LAMP1: variants seen among roughly 807,000 people sequenced by gnomAD.
The protein encoded by LAMP1 is lysosome-associated membrane glycoprotein 1.
A neutral mutation model predicts 37.5 loss-of-function variants in LAMP1; 7 were observed. The observed-to-expected ratio is 0.19, with a 90% CI of 0.11 to 0.35. The LOEUF is 0.35. LAMP1 is among the 10% of genes least tolerant of loss of function. The pLI is 1.00. For synonymous variants in LAMP1, 236 were observed against 229.1 expected (o/e 1.03, Z -0.27); for missense variants, 537 against 552.8 (o/e 0.97, Z 0.29).
In LAMP1 at chr13:113,320,916, C is replaced by T. The variant is rs2042695433; in HGVS notation, c.876+446C>T. ...ATTTTAGCTTTCCAAATCATGCTTT[C>T]CTGTGCTGTGATAGCTCCTGCAGTC... On this transcript the variant is annotated intron_variant, in intron 6 of 8. Coordinates refer to ENST00000332556, the MANE Select transcript of LAMP1 (RefSeq NM_005561.4). The surrounding 1 kb of genome is among the most constrained non-coding windows in gnomAD (Gnocchi z 4.4). The T allele has an allele frequency of 9.2e-6, 2 of 217,556 alleles. No homozygotes were observed. The highest frequency in any genetic ancestry group is 5.2e-5 in the Admixed American group (1 of 19,142). 13.5% of individuals were successfully genotyped at this position (217,556 alleles called of 1,614,324 possible).
chr13:113,306,489 C>T lies in LAMP1; in HGVS notation c.66C>T (p.Leu22=). 6.2e-7 allele frequency: 1 copy of T among 1,613,912 alleles called. No individual in the cohort carries two copies. The highest frequency in any genetic ancestry group is 8.5e-7 in the Non-Finnish European group (1 of 1,179,906). ...CGTCTTCCCTGGAATTGACAGGCCT[C>T]ATGCATTGTGCGTCAGCAGCAATGT... ...LLLLLLLLLG[L]MHCASAAMFM... The change falls in exon 2 of 9, where the codon CTC becomes CTT. Residue 22 remains leucine, a synonymous_variant. Transcript: ENST00000332556.
intron 1 of LAMP1, chr13:113,305,807 G>A (rs887825265): frequency 2.8e-4 from 42 of 152,240 alleles, no homozygotes; most frequent in African/African-American, 9.4e-4. Flanking sequence ...AGATGGGTGA[G>A]TTGTGCCTTC....
At position 113,310,875 on chromosome 13, in the gene LAMP1, G is replaced by A. The variant is rs776040899; in HGVS notation, c.562+8G>A. ...GCAGCTTCAGCCGGGGAGGTAGGACGCTGACCCTTGGCCCTCTGGTGCTAG... is the reference window on the plus strand; with the variant it reads ...GCAGCTTCAGCCGGGGAGGTAGGACACTGACCCTTGGCCCTCTGGTGCTAG... On this transcript the variant is annotated splice_region_variant and intron_variant, in intron 4 of 8. Transcript: ENST00000332556. 16 of 1,611,688 alleles carry A rather than the reference G, an allele frequency of 9.9e-6. No individual in the cohort carries two copies. Among genetic ancestry groups the A allele is most frequent in the Non-Finnish European group, 1.2e-5 (14 of 1,178,956 alleles).
rs377137046 is a variant in LAMP1 at position 113,322,302 on chromosome 13, G to A, written c.1135G>A (p.Glu379Lys). Residue 379 changes from glutamate to lysine, a missense_variant, in exon 9 of 9, where the codon GAG (glutamate) becomes AAG (lysine). Transcript: ENST00000332556. ...GGCAGTGGAGGAGTGTCTGCTGGAC[G>A]AGAACAGCATGCTGATCCCCATCGC... ...FGSVEECLLD[E>K]NSMLIPIAVG... The A allele has an allele frequency of 1.7e-5, 28 of 1,613,078 alleles. No individual in the cohort carries two copies. The highest frequency in any genetic ancestry group is 1.8e-4 in the Middle Eastern group (1 of 5,700).
In LAMP1 at chr13:113,320,817, A is replaced by AT; in HGVS notation, c.876+348dup. The AT allele has an allele frequency of 3.4e-6, 1 of 292,938 alleles. No individual in the cohort carries two copies. Among genetic ancestry groups the AT allele is most frequent in the Non-Finnish European group, 6.4e-6 (1 of 155,604 alleles). 18.1% of individuals were successfully genotyped at this position (292,938 alleles called of 1,614,324 possible). On this transcript the variant is annotated intron_variant, in intron 6 of 8. Transcript: ENST00000332556. The surrounding 1 kb of genome is among the most constrained non-coding windows in gnomAD (Gnocchi z 4.4). ...TCCTGTGCAGTTAGCAACATAAGAC[A>AT]TGAAGCATATAATTGTCACTTGTCA... is the stretch of plus-strand genomic sequence containing the variant.
chr13:113,301,672 T>G (rs868528725), intron 1 of LAMP1, among the ~76,000 whole-genome samples: 3 of 75,268 alleles, frequency 4.0e-5, no homozygotes, highest in Non-Finnish European at 9.0e-5. Context: ...TATATATATA[T>G]ATATATATAT....
chr13:113,297,550 C>T lies in LAMP1; in HGVS notation c.61+55C>T. 1.6e-6 allele frequency: 2 copies of T among 1,215,280 alleles called. No homozygotes were observed. The highest frequency in any genetic ancestry group is 2.0e-6 in the Non-Finnish European group (2 of 975,796). The allele number at this position is 1,215,280 out of a possible 1,614,324, so 75.3% of individuals were successfully genotyped here. A position where few individuals can be genotyped will look rare whatever the true frequency, so the allele number is the denominator to read the frequency against. On this transcript the variant is annotated intron_variant, in intron 1 of 8. Transcript: ENST00000332556. The surrounding 1 kb of genome is among the most constrained non-coding windows in gnomAD (Gnocchi z 4.4). ...GGCGGGACCGGGCGGAGCCGAGGTC[C>T]CTGGGTCTTGAGGGCGGGGGACTGC...
At chr13:113,302,784 C>T (rs957701743) in intron 1 of LAMP1, among the ~76,000 whole-genome samples, 2 of 152,056 alleles carry the variant, frequency 1.3e-5, no homozygotes, top group African/African-American at 2.4e-5. Flanking sequence ...GGAGAGGCAG[C>T]GTGGCTCAGA....
Position 113,321,510 on chromosome 13 carries a change from C to A in LAMP1, c.943+40C>A. ...TCTCTGCGAGCCCCGCCCCCGCCCG[C>A]GCGCCCAGGGTATTCTGGAGCCACT... On this transcript the variant is annotated intron_variant, in intron 7 of 8. Transcript: ENST00000332556. The surrounding 1 kb of genome is among the most constrained non-coding windows in gnomAD (Gnocchi z 5.6). 2 of 1,613,924 alleles carry A rather than the reference C, an allele frequency of 1.2e-6. No homozygotes were observed. Among genetic ancestry groups the A allele is most frequent in the Non-Finnish European group, 1.7e-6 (2 of 1,179,808 alleles).
rs369224631 is a variant in LAMP1, at chr13:113,309,650, C to T, written c.191C>T (p.Thr64Ile). 1.2e-4 allele frequency: 193 copies of T among 1,612,440 alleles called. No homozygotes were observed. Among genetic ancestry groups the T allele is most frequent in the Non-Finnish European group, 1.4e-4 (170 of 1,178,750 alleles). ...YDTKSGPKNM[T>I]FDLPSDATVV... ...TAATTGTGTTTATTCTAGAACATGACCTTTGACCTGCCATCAGATGCCACA... is the reference window on the plus strand; with the variant it reads ...TAATTGTGTTTATTCTAGAACATGATCTTTGACCTGCCATCAGATGCCACA... Residue 64 changes from threonine (T) to isoleucine (I), a missense_variant, in exon 3 of 9, where the codon ACC becomes ATC. Thr to Ile is a moderately conservative substitution (Grantham distance 89). Coordinates refer to ENST00000332556, the MANE Select transcript of LAMP1 (RefSeq NM_005561.4).
In LAMP1 at chr13:113,310,929, C is replaced by T. The variant is rs542618615; in HGVS notation, c.562+62C>T. ...TTGGGTAGCTGGGCTGCAGTGGCTG[C>T]GGGTGACCTCACTGCTCTGTGTCCT... On this transcript the variant is annotated intron_variant, in intron 4 of 8. Coordinates refer to ENST00000332556, the MANE Select transcript of LAMP1 (RefSeq NM_005561.4). 1.8e-5 allele frequency: 25 copies of T among 1,417,722 alleles called. No homozygotes were observed. In the African/African-American group the frequency reaches 2.4e-4, roughly 14 times the overall value. The allele number at this position is 1,417,722 out of a possible 1,614,324, so 87.8% of individuals were successfully genotyped here. A position where few individuals can be genotyped will look rare whatever the true frequency, so the allele number is the denominator to read the frequency against.
chr13:113,320,385 C>T lies in LAMP1; in HGVS notation c.791C>T (p.Ser264Leu), dbSNP rs759790645. Residue 264 changes from serine (S) to leucine (L), a missense_variant, in exon 6 of 9, where the codon TCG becomes TTG. By Grantham distance (145) the Ser-to-Leu change is moderately radical. Transcript: ENST00000332556. The surrounding 1 kb of genome is among the most constrained non-coding windows in gnomAD (Gnocchi z 4.4). Reference protein sequence around the residue: ...RLLNINPNKTSASGSCGAHLV... With the variant: ...RLLNINPNKTLASGSCGAHLV... The stretch of plus-strand genomic sequence containing the variant: ...CTCAACATCAACCCCAACAAGACCT[C>T]GGCCAGCGGGAGCTGCGGCGCCCAC... 13 of 1,613,634 alleles carry T rather than the reference C, an allele frequency of 8.1e-6. No individual in the cohort carries two copies. Among genetic ancestry groups the T allele is most frequent in the Admixed American group, 1.7e-5 (1 of 60,004 alleles).
In LAMP1 at chr13:113,319,628, A is replaced by G; in HGVS notation, c.722A>G (p.Asn241Ser). 1 of 1,613,772 alleles carries G rather than the reference A, an allele frequency of 6.2e-7. No individual in the cohort carries two copies. Among genetic ancestry groups the G allele is most frequent in the Non-Finnish European group, 8.5e-7 (1 of 1,179,890 alleles). The change falls in exon 5 of 9, where the codon AAC becomes AGC. Residue 241 changes from asparagine (N) to serine (S), a missense_variant. Coordinates refer to ENST00000332556, the MANE Select transcript of LAMP1 (RefSeq NM_005561.4). Reference protein sequence around the residue: ...CLLASMGLQLNLTYERKDNTT... With the variant: ...CLLASMGLQLSLTYERKDNTT... ...CTGGCCAGCATGGGGCTGCAGCTGA[A>G]CCTCACCTATGAGAGGAAGGACAAC...
Position 113,321,752 on chromosome 13 carries a change from C to T in LAMP1, c.1114+25C>T, listed in dbSNP as rs773995585. ...GGTGAGTGTCACCGAGGGCAGCTGT[C>T]GCGGGGTGTGGAGGACGTGCTTCAG... On this transcript the variant is annotated intron_variant, in intron 8 of 8. Coordinates refer to ENST00000332556, the MANE Select transcript of LAMP1 (RefSeq NM_005561.4). This position sits in a 1 kb window ranked among gnomAD's most constrained non-coding sequence, Gnocchi z 5.6. The T allele has an allele frequency of 1.4e-5, 23 of 1,610,676 alleles. No homozygotes were observed. Among genetic ancestry groups the T allele is most frequent in the East Asian group, 2.2e-5 (1 of 44,880 alleles).
rs779395551 is a variant in LAMP1, at chr13:113,306,612, A to G, written c.183+6A>G. 7.4e-6 allele frequency: 12 copies of G among 1,612,306 alleles called. No individual in the cohort carries two copies. The highest frequency in any genetic ancestry group is 1.0e-5 in the Non-Finnish European group (12 of 1,179,318). Reference sequence around the variant, plus strand: ...ACACCAAGAGTGGCCCTAAGGTAGGAAACACCAGGGCACTTCATGCTTCCC... The same window carrying G: ...ACACCAAGAGTGGCCCTAAGGTAGGGAACACCAGGGCACTTCATGCTTCCC... On this transcript the variant is annotated splice_donor_region_variant and intron_variant, in intron 2 of 8. Coordinates refer to ENST00000332556, the MANE Select transcript of LAMP1 (RefSeq NM_005561.4).
chr13:113,319,460 C>T lies in LAMP1; in HGVS notation c.563-9C>T, dbSNP rs757418226. ...CCCAGACCTGAATCTCCCTCCACTG[C>T]ACCTGCAGAGACACGCTGTGAACAA... On this transcript the variant is annotated splice_polypyrimidine_tract_variant and intron_variant, in intron 4 of 8. Coordinates refer to ENST00000332556, the MANE Select transcript of LAMP1 (RefSeq NM_005561.4). The T allele has an allele frequency of 7.5e-6, 12 of 1,598,376 alleles. No homozygotes were observed. The East Asian group carries it at 1.8e-4, about 24-fold the overall frequency.
In LAMP1 at chr13:113,309,880, C is replaced by A; in HGVS notation, c.403+18C>A. The A allele has an allele frequency of 6.3e-7, 1 of 1,588,360 alleles. No homozygotes were observed. The highest frequency in any genetic ancestry group is 2.2e-5 in the East Asian group (1 of 44,760). Reference sequence around the variant, plus strand: ...CTCCAAAGGTAAGAACCAAAATGGGCCGATTATGAAGTGATAGAAAATTGG... The same window carrying A: ...CTCCAAAGGTAAGAACCAAAATGGGACGATTATGAAGTGATAGAAAATTGG... On this transcript the variant is annotated intron_variant, in intron 3 of 8. Transcript: ENST00000332556.
In LAMP1 at chr13:113,320,898, C is replaced by T. The variant is rs1270560137; in HGVS notation, c.876+428C>T. The stretch of plus-strand genomic sequence containing the variant: ...ACAGTTCAGTTTCTTATAATTTTAG[C>T]TTTCCAAATCATGCTTTCCTGTGCT... On this transcript the variant is annotated intron_variant, in intron 6 of 8. Transcript: ENST00000332556. This position sits in a 1 kb window ranked among gnomAD's most constrained non-coding sequence, Gnocchi z 4.4. 1 of 210,376 alleles carries T rather than the reference C, an allele frequency of 4.8e-6. No homozygotes were observed. Among genetic ancestry groups the T allele is most frequent in the African/African-American group, 2.3e-5 (1 of 43,228 alleles). The allele number at this position is 210,376 out of a possible 1,614,324, so 13.0% of individuals were successfully genotyped here.
chr13:113,297,487 T>C lies in LAMP1; in HGVS notation c.53T>C (p.Leu18Pro). 1 of 1,253,410 alleles carries C rather than the reference T, an allele frequency of 8.0e-7. No homozygotes were observed. The highest frequency in any genetic ancestry group is 1.0e-6 in the Non-Finnish European group (1 of 1,001,480). The allele number at this position is 1,253,410 out of a possible 1,614,324, so 77.6% of individuals were successfully genotyped here. ...CCCCTGCTGCTGCTACTGCTGTTGC[T>C]GCTGCTCGGTGAGGGGGTCGAGGCG... ...RRPLLLLLLL[L>P]LLGLMHCASA... The change falls in exon 1 of 9, where the codon CTG (leucine) becomes CCG (proline). Residue 18 changes from leucine to proline, a missense_variant. By Grantham distance (98) the Leu-to-Pro change is moderately conservative (BLOSUM62 -3). Coordinates refer to ENST00000332556, the MANE Select transcript of LAMP1 (RefSeq NM_005561.4). The surrounding 1 kb of genome is among the most constrained non-coding windows in gnomAD (Gnocchi z 4.4).
Sources: allele counts gnomAD v4.1 joint callset (sites outside exome capture counted in the v4.1 genomes callset), GRCh38; gene constraint gnomAD v4.1.1; non-coding constraint Gnocchi (gnomAD v3.1); transcripts MANE v1.5; gene names NCBI Gene and HGNC (gene_info 2026-07-23, HGNC 2026-07-21).